Variants in TENM2 observed in about 807,000 individuals in gnomAD.
TENM2 encodes the protein teneurin-2.
TENM2 carries 52 observed loss-of-function variants against 245.2 expected under a neutral mutation model. The ratio of observed to expected loss-of-function variants is 0.21; its 90% CI spans 0.17 to 0.27. TENM2 has a LOEUF of 0.27. Among genes scored for constraint, TENM2 ranks in the 10% least tolerant of loss-of-function variants. TENM2 has a pLI of 1.00. For synonymous variants in TENM2, 1,363 were observed against 1,438.9 expected (o/e 0.95, Z 1.19); for missense variants, 3,046 against 3,666.8 (o/e 0.83, Z 4.37).
the TENM2 span, among the ~76,000 whole-genome samples, chr5:167,272,942 T>C: frequency 1.1e-4 from 17 of 152,130 alleles, no homozygotes; most frequent in Admixed American, 2.0e-4. Flanking sequence ...TGCATCCTTA[T>C]TGCATCCATT....
At chr5:167,766,164 G>T (rs1763005571) in intron 2 of TENM2, among the ~76,000 whole-genome samples, 1 of 152,226 alleles carries the variant, frequency 6.6e-6, no homozygotes, top group Non-Finnish European at 1.5e-5. Context: ...TGATGACCAG[G>T]TGGTATTTAA....
chr5:167,599,015 C>A (rs1181573821), intron 2 of TENM2, among the ~76,000 whole-genome samples: 1 of 152,062 alleles, frequency 6.6e-6, no homozygotes, highest in Non-Finnish European at 1.5e-5. Context: ...TTTTTTTAGG[C>A]ATTCTTTTGA....
At chr5:167,363,306 T>C (rs1036731664) in intron 1 of TENM2, among the ~76,000 whole-genome samples, 9 of 152,196 alleles carry the variant, frequency 5.9e-5, no homozygotes, top group Non-Finnish European at 1.2e-4. Context: ...AAGAGGTATG[T>C]GTTCAACACT....
At chr5:167,929,574 G>T (rs912594447) in intron 3 of TENM2, among the ~76,000 whole-genome samples, 6 of 152,098 alleles carry the variant, frequency 3.9e-5, no homozygotes, top group Non-Finnish European at 8.8e-5. Context: ...CATGTTATTA[G>T]CATCACAATC....
chr5:167,872,280 AAAAG>A (rs1435709850), intron 2 of TENM2, among the ~76,000 whole-genome samples: 1 of 144,668 alleles, frequency 6.9e-6, no homozygotes, highest in Non-Finnish European at 1.5e-5. Flanking sequence ...AAAAAAGAAA[AAAAG>A]AAAGAGAAAG....
the TENM2 span, among the ~76,000 whole-genome samples, chr5:167,126,720 G>T: frequency 6.6e-6 from 1 of 151,954 alleles, no homozygotes; most frequent in Non-Finnish European, 1.5e-5. Context: ...AAGCTAAACC[G>T]TATCCATTTT....
At chr5:167,353,834 T>A (rs916716836) in intron 1 of TENM2, among the ~76,000 whole-genome samples, 10 of 152,046 alleles carry the variant, frequency 6.6e-5, no homozygotes, top group African/African-American at 1.7e-4. Context: ...TAAAAGAAAA[T>A]TTTTTTGGAG....
At chr5:167,801,486 G>A (rs1255080840) in intron 2 of TENM2, among the ~76,000 whole-genome samples, 1 of 151,986 alleles carries the variant, frequency 6.6e-6, no homozygotes, top group East Asian at 1.9e-4. Flanking sequence ...GGTATTATTG[G>A]AGCTATGAAC....
intron 23 of TENM2, among the ~76,000 whole-genome samples, chr5:168,225,123 G>A (rs891722935): frequency 3.3e-5 from 5 of 152,192 alleles, no homozygotes; most frequent in Non-Finnish European, 5.9e-5. Flanking sequence ...TGATGGTAAG[G>A]GAGTCATTGG....
At chr5:168,145,716 G>A (rs1756001424) in intron 12 of TENM2, among the ~76,000 whole-genome samples, 1 of 151,178 alleles carries the variant, frequency 6.6e-6, no homozygotes, top group Non-Finnish European at 1.5e-5. Flanking sequence ...ATTCTGTGAA[G>A]AAAGTCACTG....
At chr5:167,958,671 C>T (rs187826225) in intron 4 of TENM2, among the ~76,000 whole-genome samples, 1 of 152,240 alleles carries the variant, frequency 6.6e-6, no homozygotes, top group East Asian at 1.9e-4. Flanking sequence ...TAAGGCAGGC[C>T]TGGTGGTGAC....
chr5:167,491,446 T>G (rs1181050805), intron 2 of TENM2, among the ~76,000 whole-genome samples: 2 of 152,118 alleles, frequency 1.3e-5, no homozygotes, highest in South Asian at 2.1e-4. Context: ...AACAGAAAAT[T>G]TAACACTCAA....
intron 5 of TENM2, among the ~76,000 whole-genome samples, chr5:168,015,885 C>T (rs948577611): frequency 9.2e-5 from 14 of 152,160 alleles, no homozygotes; most frequent in African/African-American, 1.9e-4. Flanking sequence ...TAATTCTCTC[C>T]GTAAGAAGAA....
chr5:168,019,639 G>A (rs1437580529), intron 5 of TENM2, among the ~76,000 whole-genome samples: 1 of 152,216 alleles, frequency 6.6e-6, no homozygotes, highest in Non-Finnish European at 1.5e-5. Flanking sequence ...GTAAAAGAAA[G>A]TTTCCTGTTC....
chr5:167,682,691 C>G (rs1756813570), intron 2 of TENM2, among the ~76,000 whole-genome samples: 1 of 152,090 alleles, frequency 6.6e-6, no homozygotes, highest in Non-Finnish European at 1.5e-5. Flanking sequence ...GGCTGTAATG[C>G]TCGCTCACCT....
intron 1 of TENM2, among the ~76,000 whole-genome samples, chr5:167,314,010 C>T (rs1278845195): frequency 6.6e-6 from 1 of 152,118 alleles, no homozygotes; most frequent in East Asian, 1.9e-4. Flanking sequence ...ATTATGTCAT[C>T]CCCCACCCCG....
At chr5:167,904,492 A>G (rs1233239571) in intron 3 of TENM2, among the ~76,000 whole-genome samples, 1 of 152,182 alleles carries the variant, frequency 6.6e-6, no homozygotes, top group African/African-American at 2.4e-5. Context: ...AATATTAGTA[A>G]TATTATTTCA....
intron 1 of TENM2, among the ~76,000 whole-genome samples, chr5:167,300,741 G>A (rs1466209973): frequency 6.6e-6 from 1 of 152,038 alleles, no homozygotes; most frequent in East Asian, 1.9e-4. Flanking sequence ...GTGGGTTAAG[G>A]TGGGGAGATA....
intron 5 of TENM2, among the ~76,000 whole-genome samples, chr5:168,036,707 GTA>G (rs202165206): frequency 8.8e-5 from 10 of 114,160 alleles, no homozygotes; most frequent in African/African-American, 2.3e-4. Context: ...ATATGTATGT[GTA>G]TATATATGTA....
Sources: allele counts gnomAD v4.1 joint callset (sites outside exome capture counted in the v4.1 genomes callset), GRCh38; gene constraint gnomAD v4.1.1; transcripts MANE v1.5; gene names NCBI Gene and HGNC (gene_info 2026-07-23, HGNC 2026-07-21).